Variants in DOK7 observed in about 807,000 individuals in gnomAD.
The protein encoded by DOK7 is docking protein 7.
DOK7 carries 32 observed loss-of-function variants against 30.7 expected under a neutral mutation model. The ratio of observed to expected loss-of-function variants is 1.04; its 90% confidence interval spans 0.79 to 1.40. DOK7 has a LOEUF of 1.40. DOK7 is among the 40% of genes most tolerant of loss of function. The probability of loss-of-function intolerance (pLI) is 0.00; values close to 1 mark genes in which losing one functional copy is unlikely to be tolerated. For missense variants in DOK7, 1,007 were observed against 699.2 expected (o/e 1.44, Z -4.97); for synonymous variants, 447 against 324.1 (o/e 1.38, Z -4.07).
chr4:3,497,838 T>A (rs1037136355), downstream of DOK7, among the ~76,000 whole-genome samples: 1 of 152,132 alleles, frequency 6.6e-6, no homozygotes, highest in African/African-American at 2.4e-5. Context: ...CAGTCCAGTG[T>A]GCTGAGGCAG....
chr4:3,468,626 G>T (rs111203498), intron 2 of DOK7, among the ~76,000 whole-genome samples: 1 of 150,616 alleles, frequency 6.6e-6, no homozygotes, highest in South Asian at 2.1e-4. Flanking sequence ...TTGTGTGTGC[G>T]TGTGTATATG....
At chr4:3,500,294 G>T in exon 7 of DOK7, 1 of 1,535,952 alleles carries the variant, frequency 6.5e-7, no homozygotes, top group East Asian at 2.4e-5. Flanking sequence ...GACCAGAGAG[G>T]CCGCGCGGCG....
chr4:3,491,385 C>A (rs910684288), intron 6 of DOK7, among the ~76,000 whole-genome samples: 1 of 136,518 alleles, frequency 7.3e-6, no homozygotes, highest in South Asian at 2.7e-4. Context: ...CCTGCTCGTT[C>A]ATTCCTTCCT....
chr4:3,476,640 G>A, intron 4 of DOK7, 98 bp downstream of exon 4: 2 of 1,502,790 alleles, frequency 1.3e-6, no homozygotes, highest in Non-Finnish European at 1.8e-6. Context: ...TTGCAGGCTG[G>A]CCTGCTGGCA....
In DOK7 at chr4:3,463,457, G is replaced by GA. The variant is rs777859905; in HGVS notation, c.54+28_54+29insA. The GA allele has an allele frequency of 1.4e-6, 2 of 1,422,818 alleles. No homozygotes were observed. Among genetic ancestry groups the GA allele is most frequent in the Admixed American group, 5.7e-5 (2 of 34,962 alleles). 88.1% of individuals were successfully genotyped at this position (1,422,818 alleles called of 1,614,324 possible). ...CGGGGCGCGTCGGGGGCGCGGGGGG[G>GA]GGGGGCGCGGGCGCGGGCGGCGGCT... On this transcript the variant is annotated intron_variant, in intron 1 of 6. Transcript: ENST00000340083.
chr4:3,485,731 A>G lies in DOK7; in HGVS notation c.652+73A>G, dbSNP rs532382039. ...GTGCGACGTCCCGGGGCGGGGGGCC[A>G]CAGTGATTTGTCAGCCCCAGTTAGA... On this transcript the variant is annotated intron_variant, in intron 5 of 6. Coordinates refer to ENST00000340083, the MANE Select transcript of DOK7 (RefSeq NM_173660.5). The G allele has an allele frequency of 8.5e-6, 12 of 1,406,988 alleles. No individual in the cohort carries two copies. The Admixed American group carries it at 2.5e-4, about 29-fold the overall frequency. The allele number at this position is 1,406,988 out of a possible 1,614,324, so 87.2% of individuals were successfully genotyped here.
In DOK7 at chr4:3,492,617, C is replaced by T. The variant is rs13115832; in HGVS notation, c.773-142C>T. 0.16 allele frequency: 184,442 copies of T among 1,132,732 alleles called. 18,558 individuals are homozygous for T. The highest frequency in any genetic ancestry group is 0.49 in the East Asian group (19,153 of 39,006). 70.2% of individuals were successfully genotyped at this position (1,132,732 alleles called of 1,614,324 possible). ...TGTTGTTGGTGAAGCCAGGTTTCTG[C>T]TGTAGGCCCCGGGGCTTGGGGGCTG... On this transcript the variant is annotated intron_variant, in intron 6 of 6. Transcript: ENST00000340083.
rs1313467341 is a variant in DOK7, at chr4:3,463,338, G to T, written c.-38G>T. ...TTTGAAAGTGACCCTGGGCTGGGGC[G>T]CCGGGGCGAGCGCGGCGGCGCGGAA... On this transcript the variant is annotated 5_prime_UTR_variant, in exon 1 of 7. Transcript: ENST00000340083. The T allele has an allele frequency of 1.4e-6, 2 of 1,438,474 alleles. No individual in the cohort carries two copies. The highest frequency in any genetic ancestry group is 2.7e-5 in the East Asian group (1 of 36,604). 89.1% of individuals were successfully genotyped at this position (1,438,474 alleles called of 1,614,324 possible). A position where few individuals can be genotyped will look rare whatever the true frequency, so the allele number is the denominator to read the frequency against.
Position 3,493,171 on chromosome 4 carries a change from C to T in DOK7, c.1185C>T (p.Tyr395=), listed in dbSNP as rs6850908. 0.22 allele frequency: 347,856 copies of T among 1,607,220 alleles called. 41,757 individuals are homozygous for T. The highest frequency in any genetic ancestry group is 0.51 in the East Asian group (22,637 of 44,538). Residue 395 remains tyrosine, a synonymous_variant, in exon 7 of 7, where the codon TAC becomes TAT. Transcript: ENST00000340083. ...CCTGCCTGCCCGGGACAGTCGAGTA[C>T]CAGGTGCCCACCTCCCTGCGGGCCC... ...LCTCLPGTVE[Y]QVPTSLRAHY...
chr4:3,491,522 T>G (rs60066322), intron 6 of DOK7, among the ~76,000 whole-genome samples: 1 of 67,882 alleles, frequency 1.5e-5, no homozygotes, highest in Admixed American at 1.7e-4. Context: ...CTTCTGTCTG[T>G]TCATTCATTT....
chr4:3,494,321 C>G lies in DOK7; in HGVS notation c.*820C>G, dbSNP rs980501098. ...GTCGGAGGTGGGGCTGTGTTGGGCCCATTGTCCCCCGCCCTGGGTGGCTTC... is the reference window on the plus strand; with the variant it reads ...GTCGGAGGTGGGGCTGTGTTGGGCCGATTGTCCCCCGCCCTGGGTGGCTTC... On this transcript the variant is annotated 3_prime_UTR_variant, in exon 7 of 7. Transcript: ENST00000340083. 1 of 985,694 alleles carries G rather than the reference C, an allele frequency of 1.0e-6. No homozygotes were observed. The highest frequency in any genetic ancestry group is 1.2e-6 in the Non-Finnish European group (1 of 830,240). The allele number at this position is 985,694 out of a possible 1,614,324, so 61.1% of individuals were successfully genotyped here. A position where few individuals can be genotyped will look rare whatever the true frequency, so the allele number is the denominator to read the frequency against.
rs1727051905 is a variant in DOK7, at chr4:3,476,181, CTCG to C, written c.332-160_332-158del. On this transcript the variant is annotated intron_variant, in intron 3 of 6. Coordinates refer to ENST00000340083, the MANE Select transcript of DOK7 (RefSeq NM_173660.5). The stretch of plus-strand genomic sequence containing the variant: ...GTGATGCCCTCTCGCCCCGCCCACC[CTCG>C]ATGCCCTCTCACCTCACCCGCCCAT... Among the ~76,000 whole-genome samples, 5 of 128,702 alleles carry C rather than the reference CTCG, an allele frequency of 3.9e-5. 1 individual carries two copies. Among genetic ancestry groups the C allele is most frequent in the African/African-American group, 5.7e-5 (2 of 35,242 alleles). 84.4% of individuals were successfully genotyped at this position (128,702 alleles called of 152,430 possible).
Position 3,463,501 on chromosome 4 carries a change from C to G in DOK7, c.55-5C>G. ...GGCGGCTCACGCTCCCCCCTGTCCC[C>G]GCAGTGGAAGAGTAGGTGGCTGGTG... is the stretch of plus-strand genomic sequence containing the variant. On this transcript the variant is annotated splice_region_variant and splice_polypyrimidine_tract_variant and intron_variant, in intron 1 of 6. Coordinates refer to ENST00000340083, the MANE Select transcript of DOK7 (RefSeq NM_173660.5). 1 of 1,498,456 alleles carries G rather than the reference C, an allele frequency of 6.7e-7. No homozygotes were observed. The highest frequency in any genetic ancestry group is 8.9e-7 in the Non-Finnish European group (1 of 1,127,332). 92.8% of individuals were successfully genotyped at this position (1,498,456 alleles called of 1,614,324 possible).
intron 2 of DOK7, among the ~76,000 whole-genome samples, chr4:3,464,400 C>T (rs1726155268): frequency 6.6e-6 from 1 of 152,222 alleles, no homozygotes; most frequent in African/African-American, 2.4e-5. Flanking sequence ...CTGCCTCCGC[C>T]TCCCCTTGCA....
chr4:3,488,465 TTC>T (rs1187106534), intron 5 of DOK7, among the ~76,000 whole-genome samples: 15 of 152,328 alleles, frequency 9.8e-5, no homozygotes, highest in South Asian at 4.1e-4. Flanking sequence ...CACCATTGCT[TTC>T]TCTGTTTGTT....
exon 8 of DOK7, chr4:3,500,951 T>C: frequency 7.2e-7 from 1 of 1,380,674 alleles, no homozygotes. Flanking sequence ...GGAGCAGGCA[T>C]GGCCGGTCTC....
chr4:3,495,688 TTC>T (rs1406995617), downstream of DOK7, among the ~76,000 whole-genome samples: 3 of 152,046 alleles, frequency 2.0e-5, no homozygotes, highest in Non-Finnish European at 4.4e-5. Flanking sequence ...CAGACACTGG[TTC>T]TGTTTTCTTG....
chr4:3,494,100 T>TC lies in DOK7; in HGVS notation c.*603dup, dbSNP rs997678891. The stretch of plus-strand genomic sequence containing the variant: ...GTCTCTGGGTTCTGGGCCCCACTGT[T>TC]CCCCAGTGAAGCCCTTGTGGGAAGG... On this transcript the variant is annotated 3_prime_UTR_variant, in exon 7 of 7. Coordinates refer to ENST00000340083, the MANE Select transcript of DOK7 (RefSeq NM_173660.5). The TC allele has an allele frequency of 1.2e-5, 12 of 985,944 alleles. No homozygotes were observed. Among genetic ancestry groups the TC allele is most frequent in the African/African-American group, 1.7e-5 (1 of 57,240 alleles). The allele number at this position is 985,944 out of a possible 1,614,324, so 61.1% of individuals were successfully genotyped here.
At position 3,485,656 on chromosome 4, in the gene DOK7, C is replaced by T; in HGVS notation, c.650C>T (p.Pro217Leu). The change falls in exon 5 of 7, where the codon CCA becomes CTA. Residue 217 changes from proline (P) to leucine (L), a missense_variant and splice_region_variant. Physicochemically the swap from Pro to Leu is moderately conservative, Grantham distance 98. Transcript: ENST00000340083. ...KGPFGLRPVLPDPSPPGPSTV... is the reference protein window; with the variant it reads ...KGPFGLRPVLLDPSPPGPSTV... ...CCCTTTGGGCTGCGGCCGGTTCTAC[C>T]AGGTGCGTGTGGGAGCCTGGCCGGC... 6.3e-7 allele frequency: 1 copy of T among 1,586,608 alleles called. No individual in the cohort carries two copies. The highest frequency in any genetic ancestry group is 8.6e-7 in the Non-Finnish European group (1 of 1,165,306).
Sources: gnomAD v4.1 joint callset for allele counts (sites outside exome capture counted in the v4.1 genomes callset) on GRCh38, gnomAD v4.1.1 for gene constraint, MANE v1.5 for transcripts, NCBI Gene and HGNC (gene_info 2026-07-23, HGNC 2026-07-21) for gene names.